The following VPS33B variants were observed in gnomAD, a reference collection of about 807,000 sequenced individuals.
VPS33B encodes vacuolar protein sorting-associated protein 33B.
Under a neutral mutation model 95.3 loss-of-function variants are expected in VPS33B, and 80 were observed. The observed-to-expected ratio is 0.84, with a 90% CI of 0.70 to 1.01. The LOEUF (loss-of-function observed/expected upper bound fraction) is 1.01. VPS33B is among the 50% of genes least tolerant of loss of function. VPS33B has a pLI of 0.00. For missense variants in VPS33B, 715 were observed against 773.4 expected, an observed-to-expected ratio of 0.92 and a Z score of 0.90; for synonymous variants, 280 against 280.4, an observed-to-expected ratio of 1.00 and a Z score of 0.01.
chr15:91,001,343 A>G, intron 19 of VPS33B, 46 bp downstream of exon 19: 3 of 1,431,890 alleles, frequency 2.1e-6, no homozygotes, highest in Non-Finnish European at 2.0e-6. Context: ...GTACTCCACA[A>G]TGGAATGAAC....
Position 91,005,951 on chromosome 15 carries a change from G to A in VPS33B, c.939+22C>T. 1 of 1,613,654 alleles carries A rather than the reference G, an allele frequency of 6.2e-7. No individual in the cohort carries two copies. Among genetic ancestry groups the A allele is most frequent in the Non-Finnish European group, 8.5e-7 (1 of 1,179,778 alleles). ...GAAGCCACTGAGGCAACAAAACAGA[G>A]GAGCAGGGCTTGGAGCCTCACATCA... is the stretch of plus-strand genomic sequence containing the variant. On this transcript the variant is annotated intron_variant, in intron 12 of 22. Coordinates refer to ENST00000333371, the MANE Select transcript of VPS33B (RefSeq NM_018668.5). This position sits in a 1 kb window ranked among gnomAD's most constrained non-coding sequence, Gnocchi z 6.4.
chr15:91,004,957 G>C (rs369283658), intron 15 of VPS33B, 26 bp from the exon 16 acceptor site: 2 of 1,614,088 alleles, frequency 1.2e-6, no homozygotes, highest in Non-Finnish European at 1.7e-6. Flanking sequence ...GAATCAAGGA[G>C]AATTGAAGCT....
At chr15:91,021,917 G>A (rs2041114150) in intron 1 of VPS33B, among the ~76,000 whole-genome samples, 1 of 152,172 alleles carries the variant, frequency 6.6e-6, no homozygotes, top group African/African-American at 2.4e-5. Flanking sequence ...AGGGATGCCT[G>A]GCACTAATGG....
At position 91,011,624 on chromosome 15, in the gene VPS33B, T is replaced by C. The variant is rs34734460; in HGVS notation, c.358-1778A>G. On this transcript the variant is annotated intron_variant, in intron 5 of 22. Coordinates refer to ENST00000333371, the MANE Select transcript of VPS33B (RefSeq NM_018668.5). This position sits in a 1 kb window ranked among gnomAD's most constrained non-coding sequence, Gnocchi z 5.5. ...TGGAGAACACTCATAAAAATAACTA[T>C]TTTGTTTTTCTGTGTAATAGAGAGG... 0.072 allele frequency among the ~76,000 whole-genome samples: 11,036 copies of C among 152,292 alleles called. 523 individuals are homozygous for C. Among genetic ancestry groups the C allele is most frequent in the South Asian group, 0.15 (742 of 4,820 alleles).
Position 91,003,146 on chromosome 15 carries a change from A to T in VPS33B, c.1226-15T>A, listed in dbSNP as rs753698421. The stretch of plus-strand genomic sequence containing the variant: ...GGGGATCAAACCTAAGAGTGAAGAA[A>T]ATAAGACAGGTGCATGAGAAAGAGG... On this transcript the variant is annotated splice_polypyrimidine_tract_variant and intron_variant, in intron 16 of 22. Transcript: ENST00000333371. The T allele has an allele frequency of 1.2e-6, 2 of 1,614,162 alleles. No homozygotes were observed. Among genetic ancestry groups the T allele is most frequent in the South Asian group, 1.1e-5 (1 of 91,082 alleles).
rs2040777383 is a variant in VPS33B, at chr15:91,011,498, A to T, written c.358-1652T>A. On this transcript the variant is annotated intron_variant, in intron 5 of 22. Coordinates refer to ENST00000333371, the MANE Select transcript of VPS33B (RefSeq NM_018668.5). The surrounding 1 kb of genome is among the most constrained non-coding windows in gnomAD (Gnocchi z 5.5). ...TGGAATTCCAGAGCCAGGTCTGAAA[A>T]CTGCCAATCTTCATAATTAACAAAG... 6.6e-6 allele frequency among the ~76,000 whole-genome samples: 1 copy of T among 152,244 alleles called. No individual in the cohort carries two copies. Among genetic ancestry groups the T allele is most frequent in the Admixed American group, 6.5e-5 (1 of 15,284 alleles).
At position 91,013,935 on chromosome 15, in the gene VPS33B, G is replaced by T; in HGVS notation, c.290-64C>A. 6.3e-7 allele frequency: 1 copy of T among 1,590,696 alleles called. No individual in the cohort carries two copies. Among genetic ancestry groups the T allele is most frequent in the Non-Finnish European group, 8.6e-7 (1 of 1,159,076 alleles). ...CATCTGTTATGCTAGAAACAGGGAA[G>T]CTGCCGGGCACAGTGGTTCACGCCT... On this transcript the variant is annotated intron_variant, in intron 4 of 22. Transcript: ENST00000333371. The surrounding 1 kb of genome is among the most constrained non-coding windows in gnomAD (Gnocchi z 4.5).
intron 5 of VPS33B, among the ~76,000 whole-genome samples, chr15:91,012,929 C>T (rs2040819581): frequency 1.3e-5 from 2 of 152,230 alleles, no homozygotes; most frequent in East Asian, 3.8e-4. Flanking sequence ...AAAACAGTCT[C>T]TAAGGTTCCT....
Position 91,011,089 on chromosome 15 carries a change from GAAAGCAGA to G in VPS33B, c.358-1251_358-1244del, listed in dbSNP as rs1306088438. On this transcript the variant is annotated intron_variant, in intron 5 of 22. Coordinates refer to ENST00000333371, the MANE Select transcript of VPS33B (RefSeq NM_018668.5). This position sits in a 1 kb window ranked among gnomAD's most constrained non-coding sequence, Gnocchi z 5.5. The stretch of plus-strand genomic sequence containing the variant: ...CTGGTAAAGCAAGATAATGGAGAAG[GAAAGCAGA>G]AATGGGGCCAAGAACTGGCATGGAA... Among the ~76,000 whole-genome samples the G allele has an allele frequency of 1.3e-5, 2 of 152,186 alleles. No homozygotes were observed. Among genetic ancestry groups the G allele is most frequent in the African/African-American group, 4.8e-5 (2 of 41,460 alleles).
downstream of VPS33B, chr15:90,998,562 G>C (rs1426417822): frequency 3.0e-6 from 1 of 331,610 alleles, no homozygotes; most frequent in Non-Finnish European, 5.9e-6. This position sits in a 1 kb window ranked among gnomAD's most constrained non-coding sequence, Gnocchi z 4.8. Flanking sequence ...ACCAGACCAG[G>C]CCTGGAGCCA....
In VPS33B at chr15:91,022,141, G is replaced by A; in HGVS notation, c.96+13C>T. 1 of 1,556,424 alleles carries A rather than the reference G, an allele frequency of 6.4e-7. No homozygotes were observed. The highest frequency in any genetic ancestry group is 8.7e-7 in the Non-Finnish European group (1 of 1,149,182). On this transcript the variant is annotated intron_variant, in intron 1 of 22. Transcript: ENST00000333371. The stretch of plus-strand genomic sequence containing the variant: ...AACTGTAGATGCGATAAAGGCGTCA[G>A]GCAAGCACTGACCTGCTCCAGCAGA...
Position 90,998,764 on chromosome 15 carries a change from G to T in VPS33B, c.*211C>A. 2 of 652,604 alleles carry T rather than the reference G, an allele frequency of 3.1e-6. No homozygotes were observed. The highest frequency in any genetic ancestry group is 5.5e-6 in the Non-Finnish European group (2 of 360,880). 40.4% of individuals were successfully genotyped at this position (652,604 alleles called of 1,614,324 possible). A position where few individuals can be genotyped will look rare whatever the true frequency, so the allele number is the denominator to read the frequency against. ...TCCTGCTCGCATCTTAGCAGCATGG[G>T]TTGTACTTCATAAACAGAAAAGAGA... On this transcript the variant is annotated 3_prime_UTR_variant, in exon 23 of 23. Coordinates refer to ENST00000333371, the MANE Select transcript of VPS33B (RefSeq NM_018668.5). The surrounding 1 kb of genome is among the most constrained non-coding windows in gnomAD (Gnocchi z 4.8).
intron 1 of VPS33B, 42 bp downstream of exon 1, chr15:91,022,112 G>A (rs781190541): frequency 8.7e-5 from 135 of 1,544,346 alleles, no homozygotes; most frequent in Middle Eastern, 6.7e-4. Flanking sequence ...TCCAATGAGT[G>A]CTAAACTGTA....
At position 91,009,963 on chromosome 15, in the gene VPS33B, A is replaced by G; in HGVS notation, c.358-117T>C. 9.0e-7 allele frequency: 1 copy of G among 1,116,588 alleles called. No homozygotes were observed. The highest frequency in any genetic ancestry group is 1.3e-5 in the South Asian group (1 of 77,194). The allele number at this position is 1,116,588 out of a possible 1,614,324, so 69.2% of individuals were successfully genotyped here. A position where few individuals can be genotyped will look rare whatever the true frequency, so the allele number is the denominator to read the frequency against. On this transcript the variant is annotated intron_variant, in intron 5 of 22. Coordinates refer to ENST00000333371, the MANE Select transcript of VPS33B (RefSeq NM_018668.5). This position sits in a 1 kb window ranked among gnomAD's most constrained non-coding sequence, Gnocchi z 4.1. ...TAATTGCCGAACCCAGTGAAAGACA[A>G]GAGAACCCAGACTCTTAAGATCTAG...
intron 4 of VPS33B, 51 bp downstream of exon 4, chr15:91,014,333 G>A (rs780569563): frequency 1.3e-6 from 2 of 1,599,242 alleles, no homozygotes; most frequent in Non-Finnish European, 1.7e-6. Flanking sequence ...AAGGCCCTTA[G>A]ATTTTGCCCG....
chr15:91,002,947 T>G lies in VPS33B; in HGVS notation c.1272+138A>C. On this transcript the variant is annotated intron_variant, in intron 17 of 22. Coordinates refer to ENST00000333371, the MANE Select transcript of VPS33B (RefSeq NM_018668.5). The surrounding 1 kb of genome is among the most constrained non-coding windows in gnomAD (Gnocchi z 4.7). ...CGTGCTGAAAGGTGACTCTCCCTAGTAGCTCTAAGAGGGAGGCCTGAATGG... is the reference window on the plus strand; with the variant it reads ...CGTGCTGAAAGGTGACTCTCCCTAGGAGCTCTAAGAGGGAGGCCTGAATGG... The G allele has an allele frequency of 3.2e-6, 3 of 927,292 alleles. No individual in the cohort carries two copies. The highest frequency in any genetic ancestry group is 5.3e-6 in the Non-Finnish European group (3 of 561,434). 57.4% of individuals were successfully genotyped at this position (927,292 alleles called of 1,614,324 possible).
Position 91,013,800 on chromosome 15 carries a change from T to G in VPS33B, c.357+4A>C. The G allele has an allele frequency of 6.2e-7, 1 of 1,614,060 alleles. No homozygotes were observed. Among genetic ancestry groups the G allele is most frequent in the Non-Finnish European group, 8.5e-7 (1 of 1,179,994 alleles). ...ATCCCACTTCCTCCAGGATCCAAAC[T>G]CACCTTTTGAGGGCTGAAGATCACT... On this transcript the variant is annotated splice_donor_region_variant and intron_variant, in intron 5 of 22. Coordinates refer to ENST00000333371, the MANE Select transcript of VPS33B (RefSeq NM_018668.5). This position sits in a 1 kb window ranked among gnomAD's most constrained non-coding sequence, Gnocchi z 4.5.
downstream of VPS33B, chr15:90,998,509 GA>G (rs2040339098): frequency 1.6e-5 from 3 of 188,394 alleles, no homozygotes; most frequent in South Asian, 3.3e-4. This position sits in a 1 kb window ranked among gnomAD's most constrained non-coding sequence, Gnocchi z 4.8. Context: ...TATGGTAGAG[GA>G]AACTCAGGTA....
At position 91,006,143 on chromosome 15, in the gene VPS33B, G is replaced by A; in HGVS notation, c.853-84C>T. On this transcript the variant is annotated intron_variant, in intron 11 of 22. Coordinates refer to ENST00000333371, the MANE Select transcript of VPS33B (RefSeq NM_018668.5). The surrounding 1 kb of genome is among the most constrained non-coding windows in gnomAD (Gnocchi z 5.4). ...AATGACAGTACAGGAAGGGTACTCA[G>A]GTGTTCTGGCAGAAATACAAAGAAA... 1 of 1,491,084 alleles carries A rather than the reference G, an allele frequency of 6.7e-7. No homozygotes were observed. Among genetic ancestry groups the A allele is most frequent in the South Asian group, 1.2e-5 (1 of 86,836 alleles). The allele number at this position is 1,491,084 out of a possible 1,614,324, so 92.4% of individuals were successfully genotyped here. A position where few individuals can be genotyped will look rare whatever the true frequency, so the allele number is the denominator to read the frequency against.
Sources: gnomAD v4.1 joint callset for allele counts (sites outside exome capture counted in the v4.1 genomes callset) on GRCh38, gnomAD v4.1.1 for gene constraint, Gnocchi (gnomAD v3.1) non-coding constraint, MANE v1.5 for transcripts, NCBI Gene and HGNC (gene_info 2026-07-23, HGNC 2026-07-21) for gene names.